The following DEPDC1B variants were observed in gnomAD, a reference collection of about 807,000 sequenced individuals.
DEPDC1B encodes the protein DEP domain-containing protein 1B.
In DEPDC1B, 51 loss-of-function variants were observed where a neutral mutation model predicts 66.5. The ratio of observed to expected loss-of-function variants is 0.77; its 90% CI spans 0.61 to 0.97. DEPDC1B has a LOEUF of 0.97. Ranked by LOEUF, DEPDC1B falls within the 50% of genes least tolerant of loss-of-function variation. DEPDC1B has a pLI of 0.00. For missense variants in DEPDC1B, 552 were observed against 637.1 expected, an observed-to-expected ratio of 0.87 and a Z score of 1.44; for synonymous variants, 226 against 223.6, an observed-to-expected ratio of 1.01 and a Z score of -0.10.
chr5:60,635,361 C>A (rs1584050216), intron 7 of DEPDC1B, among the ~76,000 whole-genome samples: 1 of 152,270 alleles, frequency 6.6e-6, no homozygotes, highest in East Asian at 1.9e-4. Flanking sequence ...TGAATGGAAA[C>A]CCTAACCTTA....
chr5:60,614,237 T>G (rs1752485897), intron 7 of DEPDC1B, among the ~76,000 whole-genome samples: 1 of 152,230 alleles, frequency 6.6e-6, no homozygotes, highest in Non-Finnish European at 1.5e-5. Context: ...AGAGCGGTCA[T>G]GCTCATAGTT....
intron 7 of DEPDC1B, among the ~76,000 whole-genome samples, chr5:60,633,762 T>C (rs1488583523): frequency 6.6e-6 from 1 of 152,264 alleles, no homozygotes; most frequent in Non-Finnish European, 1.5e-5. Flanking sequence ...TGCTTTCATT[T>C]GTTAGTGAAA....
intron 1 of DEPDC1B, among the ~76,000 whole-genome samples, chr5:60,690,574 TC>T (rs1453517008): frequency 6.6e-6 from 1 of 152,244 alleles, no homozygotes; most frequent in Non-Finnish European, 1.5e-5. Flanking sequence ...CCTCCTAAAG[TC>T]CTTAAAATTC....
At chr5:60,610,816 A>C (rs1247271391) in intron 7 of DEPDC1B, among the ~76,000 whole-genome samples, 3 of 152,214 alleles carry the variant, frequency 2.0e-5, no homozygotes, top group Non-Finnish European at 2.9e-5. Flanking sequence ...CCCTGGTGTT[A>C]GAATGTCCTA....
chr5:60,693,661 A>G (rs1181335744), intron 1 of DEPDC1B, among the ~76,000 whole-genome samples: 1 of 152,184 alleles, frequency 6.6e-6, no homozygotes, highest in Non-Finnish European at 1.5e-5. Context: ...TGTGAATAAG[A>G]TCTGGAATCC....
At chr5:60,633,291 C>G (rs1487156003) in intron 7 of DEPDC1B, among the ~76,000 whole-genome samples, 4 of 152,154 alleles carry the variant, frequency 2.6e-5, no homozygotes, top group Non-Finnish European at 5.9e-5. Flanking sequence ...GAGGAGCTGG[C>G]CCTGCTGCCT....
In DEPDC1B at chr5:60,659,234, G is replaced by A. The variant is rs369585997; in HGVS notation, c.315-11701C>T. ...CCCACCCCCATCTTGAGAGCGGCCC[G>A]TCGCATCTTGGGAGCTCTAAGAACA... On this transcript the variant is annotated intron_variant, in intron 2 of 10. Coordinates refer to ENST00000265036, the MANE Select transcript of DEPDC1B (RefSeq NM_018369.3). Among the ~76,000 whole-genome samples the A allele has an allele frequency of 1.1e-4, 16 of 152,208 alleles. No homozygotes were observed. In the East Asian group the frequency reaches 1.7e-3, roughly 17 times the overall value.
At chr5:60,637,213 G>A (rs773481971) in intron 7 of DEPDC1B, among the ~76,000 whole-genome samples, 1 of 152,190 alleles carries the variant, frequency 6.6e-6, no homozygotes, top group African/African-American at 2.4e-5. Flanking sequence ...AATCTCCAGT[G>A]TTCGAGGTGG....
At chr5:60,610,368 A>G (rs1052813149) in intron 7 of DEPDC1B, among the ~76,000 whole-genome samples, 1 of 152,250 alleles carries the variant, frequency 6.6e-6, no homozygotes, top group African/African-American at 2.4e-5. Context: ...AGTGGCATCA[A>G]TCATAGCTAC....
intron 9 of DEPDC1B, among the ~76,000 whole-genome samples, chr5:60,601,460 C>G (rs1459616156): frequency 1.3e-5 from 2 of 152,156 alleles, no homozygotes; most frequent in African/African-American, 4.8e-5. Flanking sequence ...TTGAAATGAT[C>G]ATTCTAAATT....
chr5:60,700,065 G>A lies in DEPDC1B; in HGVS notation c.29C>T (p.Pro10Leu), dbSNP rs753001386. The A allele has an allele frequency of 4.5e-6, 7 of 1,557,942 alleles. No homozygotes were observed. Among genetic ancestry groups the A allele is most frequent in the Non-Finnish European group, 5.2e-6 (6 of 1,152,986 alleles). ...ACTCACCAGCCTGGTAGCTCGGTAC[G>A]GCCCGGGCCCCACGATGCGATGCTC... MEHRIVGPG[P>L]YRATRLWNET... Residue 10 changes from proline (P) to leucine (L), a missense_variant, in exon 1 of 11, where the codon CCG (proline) becomes CTG (leucine). Physicochemically the swap from Pro to Leu is moderately conservative, Grantham distance 98. Transcript: ENST00000265036.
Position 60,688,627 on chromosome 5 carries a change from G to A in DEPDC1B, c.49-1400C>T, listed in dbSNP as rs188202078. ...TTATTAATATTATCAGGGTGGATGTGGCTGTCAGAGCTGAGTGAGTACGTT... is the reference window on the plus strand; with the variant it reads ...TTATTAATATTATCAGGGTGGATGTAGCTGTCAGAGCTGAGTGAGTACGTT... On this transcript the variant is annotated intron_variant, in intron 1 of 10. Transcript: ENST00000265036. Among the ~76,000 whole-genome samples, 332 of 152,260 alleles carry A rather than the reference G, an allele frequency of 2.2e-3. 2 individuals carry two copies. The highest frequency in any genetic ancestry group is 7.7e-3 in the African/African-American group (320 of 41,558).
intron 6 of DEPDC1B, among the ~76,000 whole-genome samples, chr5:60,639,793 G>A (rs995973546): frequency 1.1e-4 from 16 of 152,202 alleles, no homozygotes; most frequent in Non-Finnish European, 2.2e-4. Context: ...ATGAGGAACA[G>A]TGTAGCCAGC....
At chr5:60,685,025 T>C (rs1327613296) in intron 2 of DEPDC1B, among the ~76,000 whole-genome samples, 2 of 152,190 alleles carry the variant, frequency 1.3e-5, no homozygotes, top group African/African-American at 4.8e-5. Flanking sequence ...CACAAGGAGA[T>C]ACCATCTCAC....
At chr5:60,656,014 G>A (rs1215995109) in intron 2 of DEPDC1B, among the ~76,000 whole-genome samples, 1 of 151,184 alleles carries the variant, frequency 6.6e-6, no homozygotes, top group Non-Finnish European at 1.5e-5. Context: ...TAAATTTATT[G>A]AGACTTGTTT....
At chr5:60,627,435 C>CA (rs1554052458) in intron 7 of DEPDC1B, among the ~76,000 whole-genome samples, 3 of 149,026 alleles carry the variant, frequency 2.0e-5, no homozygotes, top group Non-Finnish European at 4.5e-5. Context: ...AGCATTCTAT[C>CA]TTTTTTTTTT....
At chr5:60,696,466 C>T (rs923596003) in intron 1 of DEPDC1B, among the ~76,000 whole-genome samples, 3 of 152,064 alleles carry the variant, frequency 2.0e-5, no homozygotes, top group African/African-American at 7.2e-5. Context: ...TCTCTGTTCC[C>T]ACTTATTTCC....
intron 7 of DEPDC1B, among the ~76,000 whole-genome samples, chr5:60,621,059 T>C (rs933989020): frequency 6.6e-6 from 1 of 151,480 alleles, no homozygotes; most frequent in African/African-American, 2.4e-5. Flanking sequence ...AAACACCACA[T>C]GTTGCCACTC....
At chr5:60,647,334 C>A in intron 3 of DEPDC1B, 64 bp downstream of exon 3, 1 of 1,518,746 alleles carries the variant, frequency 6.6e-7, no homozygotes, top group South Asian at 1.3e-5. Flanking sequence ...AAAGACCAAG[C>A]CTAGGAGTTC....
Sources: allele counts gnomAD v4.1 joint callset (sites outside exome capture counted in the v4.1 genomes callset), GRCh38; gene constraint gnomAD v4.1.1; transcripts MANE v1.5; gene names NCBI Gene and HGNC (gene_info 2026-07-23, HGNC 2026-07-21).